Variants in COL4A2 observed in about 807,000 individuals in gnomAD.
COL4A2 encodes collagen alpha-2(IV) chain.
In COL4A2, 99 loss-of-function variants were observed where a neutral mutation model predicts 200.2. The observed-to-expected ratio is 0.49, with a 90% CI of 0.42 to 0.58. The LOEUF is 0.58. Ranked by LOEUF, COL4A2 falls within the 20% of genes least tolerant of loss-of-function variation. The probability of loss-of-function intolerance (pLI) is 0.00; values close to 1 mark genes in which losing one functional copy is unlikely to be tolerated. For synonymous variants in COL4A2, 897 were observed against 900.6 expected, an observed-to-expected ratio of 1.00 and a Z score of 0.07; for missense variants, 1,950 against 2,314.1, an observed-to-expected ratio of 0.84 and a Z score of 3.23.
chr13:110,324,306 C>T (rs1885349820), intron 3 of COL4A2, among the ~76,000 whole-genome samples: 1 of 152,132 alleles, frequency 6.6e-6, no homozygotes, highest in Non-Finnish European at 1.5e-5. Flanking sequence ...CACACAGTCC[C>T]TGGATGTGGT....
intron 36 of COL4A2, 64 bp from the exon 37 acceptor site, chr13:110,491,169 G>A (rs1447187417): frequency 4.4e-6 from 5 of 1,131,158 alleles, no homozygotes; most frequent in Non-Finnish European, 6.5e-6. Flanking sequence ...CTAGAGCCGG[G>A]GTTCCAGGGA....
chr13:110,505,521 C>CT (rs1265190029), intron 45 of COL4A2, among the ~76,000 whole-genome samples: 1 of 151,992 alleles, frequency 6.6e-6, no homozygotes, highest in Non-Finnish European at 1.5e-5. Context: ...AGGAGACAAG[C>CT]TAGGGATGGT....
chr13:110,311,364 A>G (rs1884977373), intron 3 of COL4A2, among the ~76,000 whole-genome samples: 1 of 152,154 alleles, frequency 6.6e-6, no homozygotes, highest in South Asian at 2.1e-4. Context: ...GATGCACAAA[A>G]TGGCTTCGTG....
At chr13:110,511,465 T>G (rs1363373876) in intron 47 of COL4A2, among the ~76,000 whole-genome samples, 1 of 152,218 alleles carries the variant, frequency 6.6e-6, no homozygotes, top group Admixed American at 6.5e-5. Flanking sequence ...GGCTGGGTGA[T>G]TATTTTTAAC....
chr13:110,337,398 G>A (rs1876244116), intron 3 of COL4A2, among the ~76,000 whole-genome samples: 1 of 152,260 alleles, frequency 6.6e-6, no homozygotes, highest in African/African-American at 2.4e-5. Flanking sequence ...GTGGAGTCCA[G>A]AGTGATGGTC....
At chr13:110,311,778 G>A (rs1274577154) in intron 3 of COL4A2, among the ~76,000 whole-genome samples, 1 of 152,226 alleles carries the variant, frequency 6.6e-6, no homozygotes, top group Non-Finnish European at 1.5e-5. Context: ...CCGGCTGGGT[G>A]GTCACCTGAG....
rs1445893716 is a variant in COL4A2, at chr13:110,457,374, A to G, written c.1371A>G (p.Gly457=). The part of the protein sequence containing the change: ...GFLFGLKGAK[G]RAGFPGLPGS... ...TGTTTGGGCTGAAAGGAGCAAAAGG[A>G]AGAGCAGGCTTCCCTGGGCTTCCCG... Residue 457 remains glycine (G), a synonymous_variant, in exon 21 of 48, where the codon GGA becomes GGG. Transcript: ENST00000360467. 1 of 1,613,644 alleles carries G rather than the reference A, an allele frequency of 6.2e-7. No homozygotes were observed. The highest frequency in any genetic ancestry group is 1.7e-5 in the Admixed American group (1 of 60,016).
chr13:110,385,546 T>TTGCAGTGTGTGGATAGGCCGTGGC, intron 4 of COL4A2, among the ~76,000 whole-genome samples: 1 of 43,636 alleles, frequency 2.3e-5, no homozygotes, highest in Non-Finnish European at 5.0e-5. Context: ...TAGGCCGTGG[T>TTGCAGTGTGTGGATAGGCCGTGGC]TGCAGTGTGT....
At chr13:110,466,157 T>C (rs1218732684) in intron 26 of COL4A2, 95 bp downstream of exon 26, 5 of 1,421,178 alleles carry the variant, frequency 3.5e-6, no homozygotes, top group Non-Finnish European at 4.8e-6. Flanking sequence ...TAAGAAATAT[T>C]AATAATATGT....
Position 110,512,023 on chromosome 13 carries a change from A to G in COL4A2, c.4971A>G (p.Glu1657=), listed in dbSNP as rs903859636. ...ACTTCCGCGCCACACCATTCATCGA[A>G]TGCAATGGAGGCCGCGGCACCTGCC... ...LEDFRATPFI[E]CNGGRGTCHY... The change falls in exon 48 of 48, where the codon GAA becomes GAG. Residue 1657 remains glutamate (E), a synonymous_variant. Transcript: ENST00000360467. The G allele has an allele frequency of 3.7e-6, 6 of 1,613,432 alleles. No homozygotes were observed. The highest frequency in any genetic ancestry group is 2.2e-5 in the South Asian group (2 of 91,084).
chr13:110,326,648 CAG>C (rs1307251022), intron 3 of COL4A2, among the ~76,000 whole-genome samples: 2 of 152,208 alleles, frequency 1.3e-5, no homozygotes, highest in African/African-American at 4.8e-5. Flanking sequence ...CGAGGTCACA[CAG>C]AGGGGACACG....
In COL4A2 at chr13:110,482,648, C is replaced by T. The variant is rs768659199; in HGVS notation, c.2891C>T (p.Pro964Leu). Reference protein sequence around the residue: ...IPGLKGLAGEPGFKGSRGDPG... With the variant: ...IPGLKGLAGELGFKGSRGDPG... Reference sequence around the variant, plus strand: ...GGTCTGAAGGGTCTGGCTGGTGAGCCAGGTTTTAAAGGTATGTCCCTCTCT... The same window carrying T: ...GGTCTGAAGGGTCTGGCTGGTGAGCTAGGTTTTAAAGGTATGTCCCTCTCT... The change falls in exon 32 of 48, where the codon CCA (proline) becomes CTA (leucine). Residue 964 changes from proline to leucine, a missense_variant. By Grantham distance (98) the Pro-to-Leu change is moderately conservative. Transcript: ENST00000360467. 6.2e-7 allele frequency: 1 copy of T among 1,613,810 alleles called. No homozygotes were observed. The highest frequency in any genetic ancestry group is 8.5e-7 in the Non-Finnish European group (1 of 1,179,934).
intron 3 of COL4A2, among the ~76,000 whole-genome samples, chr13:110,348,470 C>A (rs1346104041): frequency 2.0e-5 from 3 of 152,174 alleles, no homozygotes; most frequent in African/African-American, 7.2e-5. Flanking sequence ...GGAATTATTT[C>A]CTTAATTTCT....
intron 29 of COL4A2, 188 bp downstream of exon 29, chr13:110,473,338 A>G: frequency 1.8e-6 from 1 of 552,580 alleles, no homozygotes; most frequent in Non-Finnish European, 3.1e-6. Flanking sequence ...GTGACTACCC[A>G]CGGTAGCCAG....
intron 20 of COL4A2, among the ~76,000 whole-genome samples, chr13:110,455,521 T>G (rs1210913037): frequency 6.6e-6 from 1 of 152,174 alleles, no homozygotes; most frequent in African/African-American, 2.4e-5. Flanking sequence ...TCCGCATTAG[T>G]GTGTTTCCTG....
Position 110,311,932 on chromosome 13 carries a change from GCTGCCACCGCCTTCC to G in COL4A2, c.99+3815_99+3829del, listed in dbSNP as rs549433995. 2.2e-3 allele frequency among the ~76,000 whole-genome samples: 338 copies of G among 152,326 alleles called. 4 individuals carry two copies. The highest frequency in any genetic ancestry group is 2.4e-3 in the Non-Finnish European group (165 of 68,028). On this transcript the variant is annotated intron_variant, in intron 3 of 47. Transcript: ENST00000360467. The stretch of plus-strand genomic sequence containing the variant: ...GGAAATTCGCCTGACCTTCCTGTTG[GCTGCCACCGCCTTCC>G]CTGCCCTCCAGGCCGGCAGCTGCGG...
At chr13:110,456,607 CTAAG>C in intron 20 of COL4A2, 5 of 373,862 alleles carry the variant, frequency 1.3e-5, no homozygotes, top group South Asian at 1.0e-4. Flanking sequence ...ACAAAATAGT[CTAAG>C]TTTTCTTTTG....
intron 17 of COL4A2, 110 bp from the exon 18 acceptor site, chr13:110,446,688 C>T: frequency 3.5e-6 from 3 of 864,246 alleles, no homozygotes; most frequent in Non-Finnish European, 5.4e-6. Context: ...GAAATAGCTG[C>T]TCTGCCAGCC....
At chr13:110,325,290 A>G (rs527896040) in intron 3 of COL4A2, among the ~76,000 whole-genome samples, 1 of 152,168 alleles carries the variant, frequency 6.6e-6, no homozygotes, top group Non-Finnish European at 1.5e-5. Context: ...TTTCTCTTTG[A>G]AATGAAGTCA....
Sources: allele counts gnomAD v4.1 joint callset (sites outside exome capture counted in the v4.1 genomes callset), GRCh38; gene constraint gnomAD v4.1.1; transcripts MANE v1.5; gene names NCBI Gene and HGNC (gene_info 2026-07-23, HGNC 2026-07-21).